Variants in MRRF observed in about 807,000 individuals in gnomAD.
MRRF encodes the protein ribosome-recycling factor, mitochondrial.
MRRF carries 18 observed loss-of-function variants against 25.1 expected under a neutral mutation model. The ratio of observed to expected loss-of-function variants is 0.72; its 90% confidence interval spans 0.50 to 1.06. The LOEUF is 1.06. MRRF is among the 50% of genes least tolerant of loss of function. The pLI is 0.00. For missense variants in MRRF, 323 were observed against 319.3 expected (o/e 1.01, Z -0.09); for synonymous variants, 113 against 112.1 (o/e 1.01, Z -0.05).
intron 1 of MRRF, 57 bp from the exon 2 acceptor site, chr9:122,270,807 G>A: frequency 2.9e-6 from 4 of 1,380,960 alleles, no homozygotes; most frequent in Non-Finnish European, 3.1e-6. Context: ...ACCTGAAGTT[G>A]CAAGCTTTGT....
intron 6 of MRRF, 89 bp downstream of exon 6, chr9:122,313,475 T>G: frequency 7.3e-7 from 1 of 1,362,574 alleles, no homozygotes; most frequent in Non-Finnish European, 1.0e-6. Flanking sequence ...TAAAACAGAA[T>G]ACCTCTGATC....
At chr9:122,317,435 T>A (rs1835601700) in intron 6 of MRRF, among the ~76,000 whole-genome samples, 1 of 152,120 alleles carries the variant, frequency 6.6e-6, no homozygotes, top group Non-Finnish European at 1.5e-5. Context: ...AAATAAATAA[T>A]CAAGAGCCTT....
At chr9:122,271,888 T>C (rs1832485075) in intron 2 of MRRF, among the ~76,000 whole-genome samples, 1 of 152,214 alleles carries the variant, frequency 6.6e-6, no homozygotes, top group Non-Finnish European at 1.5e-5. Flanking sequence ...GCGCTAGATA[T>C]ATGCTGCTGA....
intron 1 of MRRF, among the ~76,000 whole-genome samples, chr9:122,267,928 T>C (rs964444165): frequency 7.2e-5 from 11 of 152,186 alleles, no homozygotes; most frequent in Non-Finnish European, 1.5e-5. Context: ...CTCCCCAAGG[T>C]CACACAGCTA....
At position 122,322,690 on chromosome 9, in the gene MRRF, T is replaced by C; in HGVS notation, c.*73T>C. ...CCCATGGGTGGCACATTGGGACTTC[T>C]CTCCCTCCCCCATCTACACAGAAGA... On this transcript the variant is annotated 3_prime_UTR_variant, in exon 7 of 7. Coordinates refer to ENST00000344641, the MANE Select transcript of MRRF (RefSeq NM_138777.5). The C allele has an allele frequency of 7.5e-7, 1 of 1,324,828 alleles. No individual in the cohort carries two copies. The highest frequency in any genetic ancestry group is 1.2e-5 in the South Asian group (1 of 83,080). The allele number at this position is 1,324,828 out of a possible 1,614,324, so 82.1% of individuals were successfully genotyped here.
At chr9:122,310,433 T>A (rs1027981610) in intron 5 of MRRF, among the ~76,000 whole-genome samples, 5 of 152,256 alleles carry the variant, frequency 3.3e-5, no homozygotes, top group Non-Finnish European at 5.9e-5. Context: ...AGCTTCATGC[T>A]GTCCCTCCAC....
At position 122,313,265 on chromosome 9, in the gene MRRF, C is replaced by T; in HGVS notation, c.590C>T (p.Ala197Val). The T allele has an allele frequency of 1.2e-6, 2 of 1,614,018 alleles. No homozygotes were observed. The highest frequency in any genetic ancestry group is 2.2e-5 in the East Asian group (1 of 44,880). The change falls in exon 6 of 7, where the codon GCC (alanine) becomes GTC (valine). Residue 197 changes from alanine to valine, a missense_variant. Coordinates refer to ENST00000344641, the MANE Select transcript of MRRF (RefSeq NM_138777.5). ...REHREMLVKL[A>V]KQNTNKAKDS... ...CACAGAGAAATGCTGGTGAAACTGG[C>T]CAAACAGAACACCAACAAGGCCAAA...
At chr9:122,273,440 CAAAAA>C (rs566027952) in intron 2 of MRRF, among the ~76,000 whole-genome samples, 1 of 70,164 alleles carries the variant, frequency 1.4e-5, no homozygotes, top group Non-Finnish European at 3.0e-5. Flanking sequence ...GACCCTGTCT[CAAAAA>C]AAAAAAAAAA....
At chr9:122,315,762 A>G (rs1264405575) in intron 6 of MRRF, among the ~76,000 whole-genome samples, 3 of 151,992 alleles carry the variant, frequency 2.0e-5, no homozygotes, top group Non-Finnish European at 4.4e-5. Flanking sequence ...TGGTAAGCCT[A>G]TGGACCTTCA....
rs1440761140 is a variant in MRRF at position 122,323,925 on chromosome 9, A to G, written c.*1308A>G. Reference sequence around the variant, plus strand: ...ACACCTAGCAAGTAGCAGAGCTGGCATTCAAATTGAGGCCTGATGTGCTAA... The same window carrying G: ...ACACCTAGCAAGTAGCAGAGCTGGCGTTCAAATTGAGGCCTGATGTGCTAA... On this transcript the variant is annotated 3_prime_UTR_variant, in exon 7 of 7. Coordinates refer to ENST00000344641, the MANE Select transcript of MRRF (RefSeq NM_138777.5). 6.6e-6 allele frequency: 1 copy of G among 152,214 alleles called. No individual in the cohort carries two copies. The highest frequency in any genetic ancestry group is 1.5e-5 in the Non-Finnish European group (1 of 68,034). The allele number at this position is 152,214 out of a possible 1,614,324, so 9.4% of individuals were successfully genotyped here. A position where few individuals can be genotyped will look rare whatever the true frequency, so the allele number is the denominator to read the frequency against.
At chr9:122,271,552 T>A (rs1176579152) in intron 2 of MRRF, among the ~76,000 whole-genome samples, 1 of 152,234 alleles carries the variant, frequency 6.6e-6, no homozygotes, top group Non-Finnish European at 1.5e-5. Context: ...TCAGCTTAAA[T>A]GCTACTTCCT....
intron 1 of MRRF, among the ~76,000 whole-genome samples, chr9:122,269,172 A>C (rs2119020088): frequency 6.6e-6 from 1 of 151,708 alleles, no homozygotes; most frequent in Admixed American, 6.6e-5. Flanking sequence ...TCTCAAAAAA[A>C]AAAAAAATAA....
intron 4 of MRRF, among the ~76,000 whole-genome samples, chr9:122,291,411 TC>T (rs1242533478): frequency 3.9e-5 from 6 of 152,366 alleles, no homozygotes; most frequent in Admixed American, 1.3e-4. Context: ...TTTACACCAA[TC>T]TTTGCAGAGA....
intron 5 of MRRF, among the ~76,000 whole-genome samples, chr9:122,309,265 A>G (rs1271042433): frequency 3.3e-5 from 5 of 152,182 alleles, no homozygotes; most frequent in African/African-American, 1.2e-4. Flanking sequence ...GCTCAATAAT[A>G]TTATATGCAT....
At chr9:122,267,662 G>A (rs951295792) in intron 1 of MRRF, among the ~76,000 whole-genome samples, 1 of 152,198 alleles carries the variant, frequency 6.6e-6, no homozygotes, top group African/African-American at 2.4e-5. Context: ...TCTAGAGCTA[G>A]ATTGACTGAA....
chr9:122,319,739 G>A (rs562361215), intron 6 of MRRF, among the ~76,000 whole-genome samples: 30 of 152,248 alleles, frequency 2.0e-4, no homozygotes, highest in African/African-American at 7.2e-4. Flanking sequence ...AGTGGAAGCT[G>A]TTGTTGGCCT....
intron 2 of MRRF, among the ~76,000 whole-genome samples, chr9:122,276,717 A>G (rs1191793215): frequency 6.6e-6 from 1 of 152,176 alleles, no homozygotes; most frequent in Non-Finnish European, 1.5e-5. Context: ...GCTTGAGAAT[A>G]ATGTGTATTC....
At chr9:122,307,062 G>A (rs1405057009) in intron 5 of MRRF, among the ~76,000 whole-genome samples, 2 of 152,174 alleles carry the variant, frequency 1.3e-5, no homozygotes, top group African/African-American at 4.8e-5. Flanking sequence ...CAGGCTAGTG[G>A]GATGAGGCGA....
rs1836100019 is a variant in MRRF at position 122,325,330 on chromosome 9, G to A, written c.*2713G>A. 6.6e-6 allele frequency: 1 copy of A among 152,186 alleles called. No homozygotes were observed. The highest frequency in any genetic ancestry group is 1.5e-5 in the Non-Finnish European group (1 of 68,048). The allele number at this position is 152,186 out of a possible 1,614,324, so 9.4% of individuals were successfully genotyped here. A position where few individuals can be genotyped will look rare whatever the true frequency, so the allele number is the denominator to read the frequency against. ...CAGACAGCTCAGCAAATGGCTTTCA[G>A]ATGATTACTCAATTTCAGTTGACAT... On this transcript the variant is annotated 3_prime_UTR_variant, in exon 7 of 7. Transcript: ENST00000344641.
Sources: allele counts gnomAD v4.1 joint callset (sites outside exome capture counted in the v4.1 genomes callset), GRCh38; gene constraint gnomAD v4.1.1; transcripts MANE v1.5; gene names NCBI Gene and HGNC (gene_info 2026-07-23, HGNC 2026-07-21).